Variants in CELF2 observed in about 807,000 individuals in gnomAD.
The protein encoded by CELF2 is CUG triplet repeat RNA-binding protein 2.
In CELF2, 8 loss-of-function variants were observed where a neutral mutation model predicts 62.6. That is an observed-to-expected ratio of 0.13 (90% CI 0.07 to 0.23). The LOEUF is 0.23. CELF2 is among the 10% of genes least tolerant of loss of function. CELF2 has a pLI of 1.00. For missense variants in CELF2, 333 were observed against 671.0 expected, an observed-to-expected ratio of 0.50 and a Z score of 5.56; for synonymous variants, 258 against 250.0, an observed-to-expected ratio of 1.03 and a Z score of -0.30.
rs577253719 is a variant in CELF2 at position 11,022,885 on chromosome 10, ACT to A, written c.74+4726_74+4727del. Among the ~76,000 whole-genome samples the A allele has an allele frequency of 5.3e-5, 8 of 152,272 alleles. No homozygotes were observed. In the East Asian group the frequency reaches 1.4e-3, roughly 26 times the overall value. On this transcript the variant is annotated intron_variant, in intron 1 of 12. Transcript: ENST00000633077. ...TAAAAACCGACAAAAATGAAAACAA[ACT>A]CTCATAAATGTTAAGCAGTACTATA... is the stretch of plus-strand genomic sequence containing the variant.
rs1208415071 is a variant in CELF2 at position 11,098,054 on chromosome 10, C to T, written c.75-67432C>T. On this transcript the variant is annotated intron_variant, in intron 1 of 12. Transcript: ENST00000633077. This position sits in a 1 kb window ranked among gnomAD's most constrained non-coding sequence, Gnocchi z 4.0. ...GTGAGGCCTCATCACTGAACCAGGGCTGTCCCTGGGTACTCACCAGAAAAG... is the reference window on the plus strand; with the variant it reads ...GTGAGGCCTCATCACTGAACCAGGGTTGTCCCTGGGTACTCACCAGAAAAG... The T allele has an allele frequency of 6.6e-6, 1 of 152,336 alleles. No individual in the cohort carries two copies. Among genetic ancestry groups the T allele is most frequent in the Non-Finnish European group, 1.5e-5 (1 of 68,130 alleles). 9.4% of individuals were successfully genotyped at this position (152,336 alleles called of 1,614,324 possible).
the CELF2 span, among the ~76,000 whole-genome samples, chr10:10,521,884 G>A: frequency 6.6e-6 from 1 of 152,206 alleles, no homozygotes; most frequent in Non-Finnish European, 1.5e-5. Context: ...TAAAAACCAG[G>A]GAACTCTACA....
chr10:11,280,708 C>T lies in CELF2; in HGVS notation c.841+5588C>T, dbSNP rs1313929286. On this transcript the variant is annotated intron_variant, in intron 8 of 12. Transcript: ENST00000633077. The surrounding 1 kb of genome is among the most constrained non-coding windows in gnomAD (Gnocchi z 7.6). Reference sequence around the variant, plus strand: ...CATGGGGCAGGATGGACAGAGGACACATGGGCCACGGCCTCTGCCTGGCTG... The same window carrying T: ...CATGGGGCAGGATGGACAGAGGACATATGGGCCACGGCCTCTGCCTGGCTG... Among the ~76,000 whole-genome samples, 1 of 152,196 alleles carries T rather than the reference C, an allele frequency of 6.6e-6. No homozygotes were observed. The highest frequency in any genetic ancestry group is 1.5e-5 in the Non-Finnish European group (1 of 68,032).
At chr10:11,281,117 A>C (rs1452919063) in intron 8 of CELF2, among the ~76,000 whole-genome samples, 1 of 150,490 alleles carries the variant, frequency 6.6e-6, no homozygotes, top group Non-Finnish European at 1.5e-5. Context: ...TCACTGCCCC[A>C]CCCCCAGGCT....
the CELF2 span, among the ~76,000 whole-genome samples, chr10:10,577,967 A>G: frequency 0.097 from 14,730 of 152,140 alleles, 791 homozygotes; most frequent in South Asian, 0.17. Context: ...CTAGTTTACA[A>G]TCCCACCAAC....
intron 1 of CELF2, among the ~76,000 whole-genome samples, chr10:10,827,768 A>G (rs2057514555): frequency 6.6e-6 from 1 of 152,216 alleles, no homozygotes; most frequent in South Asian, 2.1e-4. Context: ...AGGCAAAAAT[A>G]TGTATGTAGG....
intron 1 of CELF2, among the ~76,000 whole-genome samples, chr10:11,025,109 A>G (rs10905883): frequency 0.66 from 99,740 of 151,840 alleles, 37,226 homozygotes; most frequent in East Asian, 0.9. Context: ...TGACACAAAG[A>G]CAATCAGTTG....
chr10:10,999,183 A>C (rs1164863111), intron 2 of CELF2, among the ~76,000 whole-genome samples: 2 of 152,166 alleles, frequency 1.3e-5, no homozygotes, highest in Non-Finnish European at 2.9e-5. Context: ...AAATTGTGCG[A>C]TACAGCTGCA....
chr10:11,178,999 C>G lies in CELF2; in HGVS notation c.271+13317C>G, dbSNP rs1305897908. ...GCCACTTCCTCCACACCCCCAGGAA[C>G]ATTGCCCCCATTTCACAGAAAAGGA... is the stretch of plus-strand genomic sequence containing the variant. On this transcript the variant is annotated intron_variant, in intron 2 of 12. Transcript: ENST00000633077. The surrounding 1 kb of genome is among the most constrained non-coding windows in gnomAD (Gnocchi z 4.3). 6.6e-6 allele frequency among the ~76,000 whole-genome samples: 1 copy of G among 152,246 alleles called. No individual in the cohort carries two copies. The highest frequency in any genetic ancestry group is 1.5e-5 in the Non-Finnish European group (1 of 68,042).
the CELF2 span, among the ~76,000 whole-genome samples, chr10:10,541,306 A>C: frequency 6.6e-6 from 1 of 151,648 alleles, no homozygotes; most frequent in South Asian, 2.1e-4. Flanking sequence ...CTGATGTCAT[A>C]TTGTTACTGG....
chr10:11,325,691 G>T (rs1257738647), intron 11 of CELF2, 145 bp from the exon 12 acceptor site: 3 of 657,468 alleles, frequency 4.6e-6, no homozygotes, highest in Non-Finnish European at 7.4e-6. Context: ...TTTCCTGAAA[G>T]GCACTCCAGC....
intron 2 of CELF2, among the ~76,000 whole-genome samples, chr10:11,209,797 AG>A (rs869074453): frequency 5.3e-4 from 81 of 152,014 alleles, no homozygotes; most frequent in African/African-American, 1.8e-3. Context: ...GAAAAAAAAA[AG>A]GTATTAAATT....
At chr10:10,599,041 C>T in the CELF2 span, among the ~76,000 whole-genome samples, 2 of 152,058 alleles carry the variant, frequency 1.3e-5, no homozygotes. Context: ...CGTGAGCCAT[C>T]ATGCCCGGCC....
intron 3 of CELF2, among the ~76,000 whole-genome samples, chr10:11,233,240 A>G (rs1410417177): frequency 1.3e-5 from 2 of 152,170 alleles, no homozygotes; most frequent in Non-Finnish European, 2.9e-5. Context: ...AAAAAGAGAA[A>G]AAGACACCTT....
rs1322447437 is a variant in CELF2, at chr10:10,938,243, C to G, written c.89+18244C>G. 6.6e-6 allele frequency among the ~76,000 whole-genome samples: 1 copy of G among 152,146 alleles called. No homozygotes were observed. The highest frequency in any genetic ancestry group is 1.5e-5 in the Non-Finnish European group (1 of 68,036). On this transcript the variant is annotated intron_variant, in intron 2 of 13. Transcript: ENST00000636488. This position sits in a 1 kb window ranked among gnomAD's most constrained non-coding sequence, Gnocchi z 4.2. ...TTCAAGTAAAGTTTACCAAGAACAA[C>G]TGGTTTGATTCAAGGTATTATATTA...
chr10:11,149,783 A>C (rs2062979296), intron 1 of CELF2, among the ~76,000 whole-genome samples: 1 of 152,180 alleles, frequency 6.6e-6, no homozygotes. Flanking sequence ...CTGATCGCTA[A>C]GTGTGTGTGT....
chr10:10,582,790 T>A, the CELF2 span, among the ~76,000 whole-genome samples: 2 of 152,208 alleles, frequency 1.3e-5, no homozygotes, highest in Non-Finnish European at 2.9e-5. Context: ...AGCTCCCAGG[T>A]CATGACCTTC....
the CELF2 span, among the ~76,000 whole-genome samples, chr10:10,689,320 A>C: frequency 6.6e-6 from 1 of 152,280 alleles, no homozygotes; most frequent in East Asian, 1.9e-4. Flanking sequence ...CTTTTAAACC[A>C]TCAGATCTCA....
At chr10:11,005,034 C>A (rs561236502), upstream of CELF2, 61 of 984,732 alleles carry the variant, frequency 6.2e-5, no homozygotes, top group Non-Finnish European at 7.1e-5. This position sits in a 1 kb window ranked among gnomAD's most constrained non-coding sequence, Gnocchi z 4.3. Context: ...TTTTTTGTTC[C>A]CCCAATTTTT....
Sources: allele counts gnomAD v4.1 joint callset (sites outside exome capture counted in the v4.1 genomes callset), GRCh38; gene constraint gnomAD v4.1.1; non-coding constraint Gnocchi (gnomAD v3.1); transcripts MANE v1.5; gene names NCBI Gene and HGNC (gene_info 2026-07-23, HGNC 2026-07-21).